Variants in RMDN2 observed in about 807,000 individuals in gnomAD.
RMDN2 encodes the protein regulator of microtubule dynamics protein 2.
Under a neutral mutation model 52.8 loss-of-function variants are expected in RMDN2, and 61 were observed. The ratio of observed to expected loss-of-function variants is 1.16; its 90% CI spans 0.94 to 1.43. RMDN2 has a LOEUF of 1.43. Ranked by LOEUF, RMDN2 falls within the 40% of genes most tolerant of loss-of-function variation. The pLI, the probability that RMDN2 is intolerant of heterozygous loss-of-function variation, is 0.00. For missense variants in RMDN2, 592 were observed against 475.3 expected, an observed-to-expected ratio of 1.25 and a Z score of -2.28; for synonymous variants, 180 against 153.1, an observed-to-expected ratio of 1.18 and a Z score of -1.30.
chr2:38,048,459 A>T (rs1415789005), intron 10 of RMDN2, among the ~76,000 whole-genome samples: 1 of 152,186 alleles, frequency 6.6e-6, no homozygotes, highest in Non-Finnish European at 1.5e-5. Flanking sequence ...AGCTTTCAGG[A>T]TTACCTGTGG....
chr2:38,045,129 C>G (rs1681193933), intron 10 of RMDN2, among the ~76,000 whole-genome samples: 1 of 152,074 alleles, frequency 6.6e-6, no homozygotes, highest in African/African-American at 2.4e-5. Flanking sequence ...CAATGTGTAT[C>G]TAAATTTCAT....
chr2:37,973,940 A>G, intron 2 of RMDN2, 100 bp from the exon 3 acceptor site: 1 of 932,288 alleles, frequency 1.1e-6, no homozygotes, highest in East Asian at 2.6e-5. Flanking sequence ...GCAGAGTTTC[A>G]AGCATAAGAG....
intron 2 of RMDN2, among the ~76,000 whole-genome samples, chr2:37,959,217 A>G (rs1439623348): frequency 6.6e-6 from 1 of 151,068 alleles, no homozygotes; most frequent in African/African-American, 2.5e-5. Flanking sequence ...GAATAGCTTC[A>G]GAAGGAATGG....
intron 2 of RMDN2, among the ~76,000 whole-genome samples, chr2:37,931,401 A>T (rs554933210): frequency 6.6e-6 from 1 of 152,328 alleles, no homozygotes; most frequent in African/African-American, 2.4e-5. Flanking sequence ...CCTGTATGTA[A>T]ATCTGTGGTA....
At chr2:38,045,122 T>G (rs1391341288) in intron 10 of RMDN2, among the ~76,000 whole-genome samples, 2 of 152,184 alleles carry the variant, frequency 1.3e-5, no homozygotes, top group Non-Finnish European at 2.9e-5. Flanking sequence ...AAGATCCCAA[T>G]GTGTATCTAA....
rs558965832 is a variant in RMDN2, at chr2:38,006,812, GC to G, written c.1179+2599del. ...TTCAAAGGGAATGCTTCCAGTTTTT[GC>G]CCATTCCGTACGATACTGGCTGTGG... On this transcript the variant is annotated intron_variant, in intron 10 of 10. Coordinates refer to ENST00000354545, the MANE Select transcript of RMDN2 (RefSeq NM_001170791.3). 5.9e-3 allele frequency among the ~76,000 whole-genome samples: 895 copies of G among 152,232 alleles called. 11 individuals are homozygous for G. Among genetic ancestry groups the G allele is most frequent in the African/African-American group, 0.02 (841 of 41,534 alleles).
chr2:38,009,254 T>G (rs560658941), intron 10 of RMDN2, among the ~76,000 whole-genome samples: 1 of 152,330 alleles, frequency 6.6e-6, no homozygotes, highest in South Asian at 2.1e-4. Context: ...GTTGGCCTGC[T>G]TTGCTAGATT....
chr2:37,989,871 C>G (rs1192016706), intron 6 of RMDN2, among the ~76,000 whole-genome samples: 1 of 152,138 alleles, frequency 6.6e-6, no homozygotes, highest in Non-Finnish European at 1.5e-5. Flanking sequence ...TGGCCGGGCA[C>G]AGAGGCTCAC....
At chr2:37,991,753 A>T (rs1012570124) in intron 7 of RMDN2, among the ~76,000 whole-genome samples, 2 of 152,152 alleles carry the variant, frequency 1.3e-5, no homozygotes, top group Admixed American at 6.5e-5. Flanking sequence ...AGCACAAATT[A>T]TGTGCTAACT....
chr2:37,995,473 G>A (rs774866762), intron 7 of RMDN2, among the ~76,000 whole-genome samples: 39 of 152,214 alleles, frequency 2.6e-4, no homozygotes, highest in Non-Finnish European at 5.1e-4. Flanking sequence ...TAGTGTGCTT[G>A]TAATAACAGC....
chr2:38,042,560 T>C (rs1681036718), intron 10 of RMDN2, among the ~76,000 whole-genome samples: 1 of 152,168 alleles, frequency 6.6e-6, no homozygotes, highest in Non-Finnish European at 1.5e-5. Context: ...TATATTGTTT[T>C]TCTTTCTCTA....
intron 10 of RMDN2, 105 bp from the exon 11 acceptor site, chr2:38,017,081 C>G: frequency 1.8e-6 from 1 of 540,928 alleles, no homozygotes. Context: ...CCTTAAAGTT[C>G]TCATGTTGGG....
At chr2:38,006,164 T>G (rs1677056141) in intron 10 of RMDN2, among the ~76,000 whole-genome samples, 3 of 152,178 alleles carry the variant, frequency 2.0e-5, no homozygotes, top group Admixed American at 2.0e-4. Context: ...TCTTTTGGCT[T>G]AGGATTGACT....
intron 8 of RMDN2, chr2:37,998,097 A>G (rs1310151143): frequency 6.6e-6 from 1 of 152,216 alleles, no homozygotes; most frequent in African/African-American, 2.4e-5. Context: ...TCACATGTAA[A>G]TGTATAATAT....
chr2:38,053,322 G>A (rs1316953804), intron 10 of RMDN2, among the ~76,000 whole-genome samples: 1 of 151,942 alleles, frequency 6.6e-6, no homozygotes, highest in Non-Finnish European at 1.5e-5. Context: ...TTAGCAGTTG[G>A]GTATTTTCAG....
At chr2:37,923,871 T>C (rs929398543), upstream of RMDN2, among the ~76,000 whole-genome samples, 2 of 152,074 alleles carry the variant, frequency 1.3e-5, no homozygotes, top group Non-Finnish European at 2.9e-5. Context: ...TGCCTTAACC[T>C]CCCGAGCAGC....
intron 5 of RMDN2, among the ~76,000 whole-genome samples, chr2:37,983,013 A>ACTC (rs1398584734): frequency 6.8e-6 from 1 of 147,152 alleles, no homozygotes; most frequent in South Asian, 2.2e-4. Context: ...TTAACTCTCA[A>ACTC]CTCCTCCTCC....
chr2:37,988,352 G>A (rs547865396), intron 5 of RMDN2, among the ~76,000 whole-genome samples: 45 of 152,312 alleles, frequency 3.0e-4, no homozygotes, highest in Middle Eastern at 3.4e-3. Context: ...CTCGTGAGTA[G>A]TAGTGTATCC....
intron 2 of RMDN2, among the ~76,000 whole-genome samples, chr2:37,959,714 C>T (rs916975375): frequency 2.0e-5 from 3 of 150,844 alleles, no homozygotes; most frequent in Non-Finnish European, 4.4e-5. Flanking sequence ...TTTGCTCTTG[C>T]TGCTCTAGTT....
Sources: gnomAD v4.1 joint callset for allele counts (sites outside exome capture counted in the v4.1 genomes callset) on GRCh38, gnomAD v4.1.1 for gene constraint, MANE v1.5 for transcripts, NCBI Gene and HGNC (gene_info 2026-07-23, HGNC 2026-07-21) for gene names.